ANKFN1: variants seen among roughly 807,000 people sequenced by gnomAD.
ANKFN1 encodes the protein ankyrin repeat and fibronectin type-III domain-containing protein 1.
A neutral mutation model predicts 108.7 loss-of-function variants in ANKFN1; 74 were observed. The observed-to-expected ratio is 0.68, with a 90% CI of 0.56 to 0.83. The LOEUF is 0.83. Among genes scored for constraint, ANKFN1 ranks in the 40% least tolerant of loss-of-function variants. The pLI, the probability that ANKFN1 is intolerant of heterozygous loss-of-function variation, is 0.00. For synonymous variants in ANKFN1, 547 were observed against 516.2 expected (o/e 1.06, Z -0.81); for missense variants, 1,505 against 1,382.3 (o/e 1.09, Z -1.41).
chr17:56,437,973 G>GGGGTGTGTGTGTGTGTGTGTGTGT (rs1555653063), intron 8 of ANKFN1, among the ~76,000 whole-genome samples: 21 of 142,174 alleles, frequency 1.5e-4, no homozygotes, highest in African/African-American at 4.8e-4. Context: ...ATCTACTGTA[G>GGGGTGTGTGTGTGTGTGTGTGTGT]GTGTGTGTGT....
rs1408615259 is a variant in ANKFN1, at chr17:56,350,917, G to A, written c.340G>A (p.Ala114Thr). ...LKGSHSSFDE[A>T]YFRTRTDRLS... is the part of the protein sequence containing the mutation. ...AGGGAGCCACTCTTCCTTCGATGAG[G>A]CCTATTTTAGGACAAGAACTGATCG... The change falls in exon 5 of 21, where the codon GCC (alanine) becomes ACC (threonine). Residue 114 changes from alanine (A) to threonine (T), a missense_variant. Coordinates refer to ENST00000682825, the MANE Select transcript of ANKFN1 (RefSeq NM_001370326.1). 2.5e-6 allele frequency: 4 copies of A among 1,613,640 alleles called. No homozygotes were observed. The highest frequency in any genetic ancestry group is 1.3e-5 in the African/African-American group (1 of 74,894).
chr17:56,423,028 C>T (rs1415778449), intron 8 of ANKFN1, among the ~76,000 whole-genome samples: 1 of 152,168 alleles, frequency 6.6e-6, no homozygotes, highest in African/African-American at 2.4e-5. Flanking sequence ...GGGACTCAAA[C>T]TTTTGTCAAC....
chr17:56,249,969 G>T (rs2144050633), intron 3 of ANKFN1, among the ~76,000 whole-genome samples: 2 of 152,274 alleles, frequency 1.3e-5, no homozygotes, highest in Middle Eastern at 3.4e-3. Context: ...AACTTCTGTG[G>T]AATGGTGTTA....
chr17:56,153,587 C>T (rs1281869802), intron 1 of ANKFN1, 57 bp downstream of exon 1: 26 of 1,601,750 alleles, frequency 1.6e-5, no homozygotes, highest in Non-Finnish European at 2.2e-5. Flanking sequence ...CATTGTTTTG[C>T]ATTCAACAGG....
chr17:56,176,534 A>C (rs72831976), intron 1 of ANKFN1, among the ~76,000 whole-genome samples: 7,201 of 152,312 alleles, frequency 0.047, 186 homozygotes, highest in Middle Eastern at 0.085. Context: ...ATAGCAAAGC[A>C]GACTGTCTTC....
intron 4 of ANKFN1, among the ~76,000 whole-genome samples, chr17:56,061,265 C>CTTTTTTTTTTTTT (rs71137190): frequency 1.4e-5 from 1 of 72,916 alleles, no homozygotes; most frequent in Non-Finnish European, 2.4e-5. Flanking sequence ...GGTAGTTTTT[C>CTTTTTTTTTTTTT]TTTTTTTTTT....
At chr17:56,148,431 T>G (rs1908395507) in intron 4 of ANKFN1, among the ~76,000 whole-genome samples, 5 of 152,314 alleles carry the variant, frequency 3.3e-5, no homozygotes, top group Admixed American at 6.5e-5. Flanking sequence ...AGGATTCACA[T>G]TTGGGTTTGT....
At chr17:56,369,635 G>C (rs915991158) in intron 6 of ANKFN1, among the ~76,000 whole-genome samples, 1 of 152,054 alleles carries the variant, frequency 6.6e-6, no homozygotes, top group Admixed American at 6.5e-5. Flanking sequence ...TGCTTCTATT[G>C]ATGGTTATAT....
intron 3 of ANKFN1, among the ~76,000 whole-genome samples, chr17:56,251,150 G>T (rs2043226132): frequency 6.6e-6 from 1 of 152,196 alleles, no homozygotes; most frequent in African/African-American, 2.4e-5. Context: ...CAGCACTTTG[G>T]GAGGCCAAGG....
At chr17:56,386,556 A>G (rs1400815946) in intron 8 of ANKFN1, among the ~76,000 whole-genome samples, 1 of 150,572 alleles carries the variant, frequency 6.6e-6, no homozygotes, top group Non-Finnish European at 1.5e-5. Context: ...GCTCTTTATC[A>G]ATAGATTATC....
intron 11 of ANKFN1, among the ~76,000 whole-genome samples, chr17:56,452,771 T>C (rs2049535561): frequency 1.3e-5 from 2 of 152,166 alleles, no homozygotes; most frequent in African/African-American, 4.8e-5. Context: ...ATTTTTAGTC[T>C]GACTTTTTTA....
chr17:56,182,207 C>T (rs1206377933), intron 1 of ANKFN1, among the ~76,000 whole-genome samples: 1 of 152,154 alleles, frequency 6.6e-6, no homozygotes, highest in Non-Finnish European at 1.5e-5. Flanking sequence ...AAGGGCCACT[C>T]ATCTCTTACT....
Position 56,326,205 on chromosome 17 carries a change from T to G in ANKFN1, c.54-16T>G, listed in dbSNP as rs761685643. On this transcript the variant is annotated splice_polypyrimidine_tract_variant and intron_variant, in intron 3 of 20. Transcript: ENST00000682825. ...TTGCCTGTAGTGATCCTGTTCGCAT[T>G]TTATTCTTTACACAGAATAGGAAGG... 6.2e-7 allele frequency: 1 copy of G among 1,604,700 alleles called. No homozygotes were observed. The highest frequency in any genetic ancestry group is 1.1e-5 in the South Asian group (1 of 89,200).
At chr17:56,166,123 TA>T (rs1195794934) in intron 1 of ANKFN1, among the ~76,000 whole-genome samples, 4 of 152,244 alleles carry the variant, frequency 2.6e-5, no homozygotes, top group African/African-American at 7.2e-5. Flanking sequence ...AAAAAATGCA[TA>T]AAAAAAGTAA....
At chr17:56,076,252 A>C (rs940687232) in intron 4 of ANKFN1, among the ~76,000 whole-genome samples, 3 of 152,168 alleles carry the variant, frequency 2.0e-5, no homozygotes, top group Non-Finnish European at 4.4e-5. Flanking sequence ...GCATTTGTTC[A>C]ACACCCACAG....
chr17:56,399,392 A>C lies in ANKFN1; in HGVS notation c.910+24678A>C, dbSNP rs964664330. On this transcript the variant is annotated intron_variant, in intron 8 of 20. Coordinates refer to ENST00000682825, the MANE Select transcript of ANKFN1 (RefSeq NM_001370326.1). ...CAACAAAAACAACTATGAGCAAAGT[A>C]AATAAGACAAATATTCATAACAATG... 5.9e-5 allele frequency among the ~76,000 whole-genome samples: 9 copies of C among 152,138 alleles called. No homozygotes were observed. The South Asian group carries it at 6.2e-4, about 10-fold the overall frequency.
chr17:56,073,281 C>T (rs1329686150), intron 4 of ANKFN1, among the ~76,000 whole-genome samples: 3 of 152,194 alleles, frequency 2.0e-5, no homozygotes, highest in African/African-American at 4.8e-5. Context: ...CGTGAGCCAC[C>T]GCGCCCGGCC....
intron 1 of ANKFN1, among the ~76,000 whole-genome samples, chr17:56,181,139 G>A (rs1911642369): frequency 6.6e-6 from 1 of 152,144 alleles, no homozygotes; most frequent in Non-Finnish European, 1.5e-5. Context: ...GAAAAGTAAT[G>A]TTAATTCTGT....
At chr17:56,153,415 TC>T (rs1193225484), upstream of ANKFN1, 204 of 1,495,380 alleles carry the variant, frequency 1.4e-4, 2 homozygotes, top group Admixed American at 3.0e-3. Context: ...AAGCCAGGGT[TC>T]CCTTGGCAAC....
Sources: allele counts gnomAD v4.1 joint callset (sites outside exome capture counted in the v4.1 genomes callset), GRCh38; gene constraint gnomAD v4.1.1; transcripts MANE v1.5; gene names NCBI Gene and HGNC (gene_info 2026-07-23, HGNC 2026-07-21).